The following BLOC1S6 variants were observed in gnomAD, a reference collection of about 807,000 sequenced individuals.
BLOC1S6 encodes biogenesis of lysosomal organelles complex 1 subunit 6.
A neutral mutation model predicts 24.7 loss-of-function variants in BLOC1S6; 24 were observed. The ratio of observed to expected loss-of-function variants is 0.97; its 90% CI spans 0.70 to 1.37. The LOEUF (loss-of-function observed/expected upper bound fraction) is 1.37. BLOC1S6 is among the 40% of genes most tolerant of loss of function. BLOC1S6 has a pLI of 0.00. For missense variants in BLOC1S6, 175 were observed against 196.2 expected, an observed-to-expected ratio of 0.89 and a Z score of 0.64; for synonymous variants, 76 against 72.6, an observed-to-expected ratio of 1.05 and a Z score of -0.23.
intron 3 of BLOC1S6, among the ~76,000 whole-genome samples, chr15:45,603,959 A>C (rs1175837269): frequency 6.6e-6 from 1 of 152,204 alleles, no homozygotes; most frequent in Non-Finnish European, 1.5e-5. Context: ...ATTTCATCAG[A>C]AGTTCTATAG....
At chr15:45,603,530 T>C (rs1201360971) in intron 3 of BLOC1S6, among the ~76,000 whole-genome samples, 1 of 152,008 alleles carries the variant, frequency 6.6e-6, no homozygotes, top group African/African-American at 2.4e-5. Context: ...GGCTACATAG[T>C]GAGAACCCAT....
At position 45,609,630 on chromosome 15, in the gene BLOC1S6, A is replaced by G. The variant is rs1301786970; in HGVS notation, c.*3116A>G. On this transcript the variant is annotated 3_prime_UTR_variant, in exon 5 of 5. Transcript: ENST00000220531. ...CAGTTTATAAATATAACAATTATAC[A>G]CCCTCATACATTCGTCTGATTTTGA... 1.3e-5 allele frequency: 2 copies of G among 152,132 alleles called. No individual in the cohort carries two copies. The highest frequency in any genetic ancestry group is 4.8e-5 in the African/African-American group (2 of 41,434). The allele number at this position is 152,132 out of a possible 1,614,324, so 9.4% of individuals were successfully genotyped here. A position where few individuals can be genotyped will look rare whatever the true frequency, so the allele number is the denominator to read the frequency against.
chr15:45,595,208 C>T (rs1894026802), intron 2 of BLOC1S6, among the ~76,000 whole-genome samples: 1 of 152,170 alleles, frequency 6.6e-6, no homozygotes, highest in Non-Finnish European at 1.5e-5. Flanking sequence ...AATCTATGTA[C>T]TTGGAATGTC....
chr15:45,594,608 G>C (rs1893998746), intron 2 of BLOC1S6, among the ~76,000 whole-genome samples: 1 of 152,012 alleles, frequency 6.6e-6, no homozygotes, highest in African/African-American at 2.4e-5. Flanking sequence ...TTTTGAGACT[G>C]AGTCTCATTC....
intron 1 of BLOC1S6, among the ~76,000 whole-genome samples, chr15:45,588,508 A>G (rs999391284): frequency 6.6e-6 from 1 of 151,604 alleles, no homozygotes; most frequent in Non-Finnish European, 1.5e-5. Context: ...CTCTCCTTCC[A>G]CCTCTAGGGG....
intron 1 of BLOC1S6, 105 bp downstream of exon 1, chr15:45,587,630 C>T: frequency 2.6e-6 from 3 of 1,169,212 alleles, no homozygotes; most frequent in Non-Finnish European, 3.6e-6. Context: ...CGGTTTTTGG[C>T]GGCTGCGGCC....
At chr15:45,592,309 T>A (rs1437441034) in intron 2 of BLOC1S6, 33 bp downstream of exon 2, 4 of 1,610,784 alleles carry the variant, frequency 2.5e-6, no homozygotes, top group Non-Finnish European at 3.4e-6. Flanking sequence ...ATACACTCAT[T>A]TCCTCTGTGG....
intron 2 of BLOC1S6, among the ~76,000 whole-genome samples, chr15:45,600,637 C>T (rs59593563): frequency 0.11 from 16,670 of 152,084 alleles, 985 homozygotes; most frequent in Middle Eastern, 0.27. Flanking sequence ...ACCAGCTTTG[C>T]GTATTTGGCA....
intron 2 of BLOC1S6, among the ~76,000 whole-genome samples, chr15:45,596,385 A>G (rs1215707843): frequency 2.0e-5 from 3 of 151,378 alleles, no homozygotes; most frequent in African/African-American, 7.3e-5. Context: ...TTTTGTAGAG[A>G]TGGGGTTTCA....
chr15:45,594,696 G>A (rs1199001468), intron 2 of BLOC1S6, among the ~76,000 whole-genome samples: 2 of 152,058 alleles, frequency 1.3e-5, no homozygotes, highest in African/African-American at 2.4e-5. Context: ...AGATTCTCCT[G>A]CCTCAGCCTC....
chr15:45,607,516 T>G lies in BLOC1S6; in HGVS notation c.*1002T>G, dbSNP rs1646643001. The G allele has an allele frequency of 6.6e-6, 1 of 152,324 alleles. No homozygotes were observed. The highest frequency in any genetic ancestry group is 6.5e-5 in the Admixed American group (1 of 15,286). The allele number at this position is 152,324 out of a possible 1,614,324, so 9.4% of individuals were successfully genotyped here. A position where few individuals can be genotyped will look rare whatever the true frequency, so the allele number is the denominator to read the frequency against. ...GAGGCCGGGTGCGGTGGCTCATGCC[T>G]GTAATCCCAACGCTTTGGGACGCCG... is the stretch of plus-strand genomic sequence containing the variant. On this transcript the variant is annotated 3_prime_UTR_variant, in exon 5 of 5. Transcript: ENST00000220531.
In BLOC1S6 at chr15:45,606,491, G is replaced by A; in HGVS notation, c.496G>A (p.Ala166Thr). Residue 166 changes from alanine (A) to threonine (T), a missense_variant, in exon 5 of 5, where the codon GCC (alanine) becomes ACC (threonine). Coordinates refer to ENST00000220531, the MANE Select transcript of BLOC1S6 (RefSeq NM_012388.4). The stretch of plus-strand genomic sequence containing the variant: ...GTTTGAAAGAGAAAAGCAGTTAACT[G>A]CCAGACCAGCCAAAAGGATGTGAAA... ...KEFEREKQLT[A>T]RPAKRM The A allele has an allele frequency of 6.2e-7, 1 of 1,614,102 alleles. No homozygotes were observed. Among genetic ancestry groups the A allele is most frequent in the Non-Finnish European group, 8.5e-7 (1 of 1,180,026 alleles).
chr15:45,601,785 A>G (rs1027653770), intron 2 of BLOC1S6, among the ~76,000 whole-genome samples: 2 of 151,926 alleles, frequency 1.3e-5, no homozygotes, highest in South Asian at 2.1e-4. Flanking sequence ...TGTGTATCTC[A>G]GATGGTTGAC....
intron 1 of BLOC1S6, among the ~76,000 whole-genome samples, chr15:45,590,581 T>C (rs1358744920): frequency 6.6e-6 from 1 of 152,108 alleles, no homozygotes; most frequent in African/African-American, 2.4e-5. Flanking sequence ...GAAATTTTTA[T>C]ATTTTTAGTT....
At chr15:45,595,522 T>C (rs1002017059) in intron 2 of BLOC1S6, among the ~76,000 whole-genome samples, 1 of 152,234 alleles carries the variant, frequency 6.6e-6, no homozygotes, top group African/African-American at 2.4e-5. Context: ...TGTATATTTT[T>C]GATATGAGTC....
chr15:45,596,621 T>C (rs996089507), intron 2 of BLOC1S6, among the ~76,000 whole-genome samples: 7 of 152,148 alleles, frequency 4.6e-5, no homozygotes, highest in Non-Finnish European at 7.3e-5. Context: ...CATTGATCAG[T>C]ATGTCTGTTC....
chr15:45,591,491 G>C (rs1260607143), intron 1 of BLOC1S6, among the ~76,000 whole-genome samples: 1 of 152,024 alleles, frequency 6.6e-6, no homozygotes, highest in Non-Finnish European at 1.5e-5. Flanking sequence ...GGAGTGCAGT[G>C]GTGCGATCAT....
intron 1 of BLOC1S6, among the ~76,000 whole-genome samples, chr15:45,591,290 C>T (rs1196215966): frequency 6.6e-6 from 1 of 152,106 alleles, no homozygotes; most frequent in Non-Finnish European, 1.5e-5. Context: ...TTTTTGTTTC[C>T]ATAGAATTGA....
intron 2 of BLOC1S6, chr15:45,602,312 T>C: frequency 1.5e-6 from 1 of 657,854 alleles, no homozygotes; most frequent in South Asian, 1.7e-5. Context: ...CATTATTCTC[T>C]AGATAGCACA....
Sources: allele counts gnomAD v4.1 joint callset (sites outside exome capture counted in the v4.1 genomes callset), GRCh38; gene constraint gnomAD v4.1.1; transcripts MANE v1.5; gene names NCBI Gene and HGNC (gene_info 2026-07-23, HGNC 2026-07-21).